NDST4: variants seen among roughly 807,000 people sequenced by gnomAD.
The protein encoded by NDST4 is N-heparan sulfate sulfotransferase 4.
In NDST4, 63 loss-of-function variants were observed where a neutral mutation model predicts 100.8. The observed-to-expected ratio is 0.62, with a 90% CI of 0.51 to 0.77. The LOEUF (loss-of-function observed/expected upper bound fraction) is 0.77. NDST4 is among the 30% of genes least tolerant of loss of function. The probability of loss-of-function intolerance (pLI) is 0.00; values close to 1 mark genes in which losing one functional copy is unlikely to be tolerated. For synonymous variants in NDST4, 377 were observed against 361.8 expected, an observed-to-expected ratio of 1.04 and a Z score of -0.48; for missense variants, 943 against 1,018.4, an observed-to-expected ratio of 0.93 and a Z score of 1.01.
intron 6 of NDST4, among the ~76,000 whole-genome samples, chr4:114,907,938 G>A (rs1724985763): frequency 6.6e-6 from 1 of 152,114 alleles, no homozygotes; most frequent in South Asian, 2.1e-4. Flanking sequence ...GAAACGTGGA[G>A]CTATACTGAG....
intron 6 of NDST4, among the ~76,000 whole-genome samples, chr4:114,919,856 T>C (rs1288334419): frequency 1.3e-5 from 2 of 152,074 alleles, no homozygotes; most frequent in Admixed American, 6.5e-5. Flanking sequence ...GGAGAGAAAA[T>C]AATTGGGATA....
chr4:114,848,294 T>C lies in NDST4; in HGVS notation c.1861A>G (p.Ile621Val), dbSNP rs148854444. ...GTCTTTGGACTAGGGAGATTGCTGA[T>C]GATTGAAGGATGCATAAGAAGAAAT... ...YLFLLMHPSI[I>V]SNLPSPKTFE... The change falls in exon 9 of 14, where the codon ATC (isoleucine) becomes GTC (valine). Residue 621 changes from isoleucine to valine, a missense_variant. Coordinates refer to ENST00000264363, the MANE Select transcript of NDST4 (RefSeq NM_022569.3). 1.4e-4 allele frequency: 230 copies of C among 1,608,508 alleles called. No individual in the cohort carries two copies. Among genetic ancestry groups the C allele is most frequent in the Admixed American group, 5.1e-5 (3 of 59,040 alleles).
intron 2 of NDST4, among the ~76,000 whole-genome samples, chr4:114,988,336 A>G (rs2620406): frequency 0.32 from 46,436 of 144,432 alleles, 7,476 homozygotes; most frequent in South Asian, 0.46. Context: ...TTTTGTAAGC[A>G]CACAGATACA....
intron 8 of NDST4, among the ~76,000 whole-genome samples, chr4:114,850,509 T>C (rs1264283604): frequency 1.2e-4 from 18 of 152,196 alleles, no homozygotes. Flanking sequence ...AATTATCACC[T>C]AAATTTTTCA....
chr4:115,053,693 A>T (rs1728634541), intron 2 of NDST4, among the ~76,000 whole-genome samples: 2 of 152,138 alleles, frequency 1.3e-5, no homozygotes, highest in Non-Finnish European at 2.9e-5. Context: ...CTACCGTCCT[A>T]ACATGTTTTT....
intron 2 of NDST4, among the ~76,000 whole-genome samples, chr4:114,994,041 T>C (rs1014292799): frequency 6.6e-6 from 1 of 152,016 alleles, no homozygotes; most frequent in Non-Finnish European, 1.5e-5. Context: ...AAAAAGAATA[T>C]CTGACTTTCT....
intron 7 of NDST4, among the ~76,000 whole-genome samples, chr4:114,857,652 C>T (rs1284135848): frequency 2.0e-5 from 3 of 152,152 alleles, no homozygotes; most frequent in Non-Finnish European, 2.9e-5. Context: ...TTCTAAAAAT[C>T]GCTGGTTAAT....
intron 2 of NDST4, among the ~76,000 whole-genome samples, chr4:115,021,965 A>G (rs575567574): frequency 9.2e-5 from 14 of 151,798 alleles, no homozygotes; most frequent in African/African-American, 3.4e-4. Flanking sequence ...ATCTATGCAC[A>G]TTCCATATAT....
intron 6 of NDST4, among the ~76,000 whole-genome samples, chr4:114,934,870 TTTTA>T (rs1026152179): frequency 1.3e-5 from 2 of 152,022 alleles, no homozygotes; most frequent in Non-Finnish European, 2.9e-5. Flanking sequence ...AATAAAAAAA[TTTTA>T]TTTGTCAATT....
intron 7 of NDST4, among the ~76,000 whole-genome samples, chr4:114,869,849 A>T (rs946107457): frequency 2.6e-5 from 4 of 152,156 alleles, no homozygotes; most frequent in Non-Finnish European, 5.9e-5. Flanking sequence ...TGGACAATGA[A>T]CATGTGTTGG....
intron 10 of NDST4, among the ~76,000 whole-genome samples, chr4:114,844,287 AGAAAATC>A (rs1723496748): frequency 6.6e-6 from 1 of 152,212 alleles, no homozygotes; most frequent in Non-Finnish European, 1.5e-5. Context: ...GTATTGTAAA[AGAAAATC>A]TGGTAGTCAC....
chr4:115,097,021 T>A (rs2126296771), intron 1 of NDST4, among the ~76,000 whole-genome samples: 1 of 152,226 alleles, frequency 6.6e-6, no homozygotes, highest in Admixed American at 6.5e-5. Context: ...TTTAGTAAGC[T>A]TCTAGGAAAT....
At chr4:114,849,121 A>C (rs1223868610) in intron 8 of NDST4, among the ~76,000 whole-genome samples, 1 of 152,230 alleles carries the variant, frequency 6.6e-6, no homozygotes, top group Non-Finnish European at 1.5e-5. Flanking sequence ...CAAGTCTGAT[A>C]ATTGGAGCAC....
At chr4:114,829,372 T>C (rs1034862107) in intron 13 of NDST4, among the ~76,000 whole-genome samples, 1 of 152,210 alleles carries the variant, frequency 6.6e-6, no homozygotes, top group African/African-American at 2.4e-5. Context: ...ACAACTGTTT[T>C]ATCTTTGTAT....
intron 7 of NDST4, among the ~76,000 whole-genome samples, chr4:114,867,109 T>C (rs1228853323): frequency 6.6e-6 from 1 of 152,164 alleles, no homozygotes; most frequent in Non-Finnish European, 1.5e-5. Context: ...ACACTGAGTG[T>C]CATCCATTTT....
At chr4:115,088,018 G>T in intron 1 of NDST4, among the ~76,000 whole-genome samples, 1 of 151,758 alleles carries the variant, frequency 6.6e-6, no homozygotes, top group South Asian at 2.1e-4. Flanking sequence ...GATTATGATA[G>T]TTATAATAAA....
At chr4:114,856,913 A>G (rs910042418) in intron 7 of NDST4, among the ~76,000 whole-genome samples, 1 of 152,198 alleles carries the variant, frequency 6.6e-6, no homozygotes, top group African/African-American at 2.4e-5. Context: ...TAAGTTGTAC[A>G]TTGCAACTCC....
chr4:114,872,887 T>C (rs1406015593), intron 6 of NDST4, among the ~76,000 whole-genome samples: 2 of 151,956 alleles, frequency 1.3e-5, no homozygotes, highest in Admixed American at 1.3e-4. Context: ...CCAAAACATA[T>C]ATATACATTG....
In NDST4 at chr4:115,088,158, T is replaced by C. The variant is rs563260608; in HGVS notation, c.-246-10876A>G. 7.9e-5 allele frequency among the ~76,000 whole-genome samples: 12 copies of C among 151,980 alleles called. No homozygotes were observed. In the East Asian group the frequency reaches 1.5e-3, roughly 20 times the overall value. On this transcript the variant is annotated intron_variant, in intron 1 of 13. Transcript: ENST00000264363. Reference sequence around the variant, plus strand: ...GGTCCCTCTCCCTAGCTCCACAATCTTCTACTTTACAAAAAAAACAGAAAG... The same window carrying C: ...GGTCCCTCTCCCTAGCTCCACAATCCTCTACTTTACAAAAAAAACAGAAAG...
Sources: allele counts gnomAD v4.1 joint callset (sites outside exome capture counted in the v4.1 genomes callset), GRCh38; gene constraint gnomAD v4.1.1; transcripts MANE v1.5; gene names NCBI Gene and HGNC (gene_info 2026-07-23, HGNC 2026-07-21).